PAK5: variants seen among roughly 807,000 people sequenced by gnomAD.
PAK5 encodes p21 (RAC1) activated kinase 5.
Under a neutral mutation model 65.9 loss-of-function variants are expected in PAK5, and 16 were observed. That is an observed-to-expected ratio of 0.24 (90% CI 0.16 to 0.37). The LOEUF (loss-of-function observed/expected upper bound fraction) is 0.37. Among genes scored for constraint, PAK5 ranks in the 10% least tolerant of loss-of-function variants. The pLI, the probability that PAK5 is intolerant of heterozygous loss-of-function variation, is 1.00. For synonymous variants in PAK5, 371 were observed against 354.9 expected (o/e 1.05, Z -0.51); for missense variants, 785 against 903.9 (o/e 0.87, Z 1.69).
chr20:9,671,156 AT>A (rs1412422663), intron 2 of PAK5, among the ~76,000 whole-genome samples: 2 of 152,208 alleles, frequency 1.3e-5, no homozygotes, highest in African/African-American at 4.8e-5. Context: ...TACCAGTAGC[AT>A]GCTGTTTGGG....
Position 9,538,872 on chromosome 20 carries a change from A to G in PAK5, c.*590T>C, listed in dbSNP as rs2045211734. 1 of 233,188 alleles carries G rather than the reference A, an allele frequency of 4.3e-6. No homozygotes were observed. Among genetic ancestry groups the G allele is most frequent in the Admixed American group, 5.6e-5 (1 of 17,782 alleles). 14.4% of individuals were successfully genotyped at this position (233,188 alleles called of 1,614,324 possible). A position where few individuals can be genotyped will look rare whatever the true frequency, so the allele number is the denominator to read the frequency against. ...GAGTCATTCAGTATTCAAAGTTCCT[A>G]AAGAATCATTGGTTCTCTTAAAGGG... On this transcript the variant is annotated 3_prime_UTR_variant, in exon 10 of 10. Coordinates refer to ENST00000353224, the MANE Select transcript of PAK5 (RefSeq NM_177990.4).
intron 7 of PAK5, among the ~76,000 whole-genome samples, chr20:9,554,377 G>A (rs1047218979): frequency 6.6e-6 from 1 of 152,196 alleles, no homozygotes; most frequent in Non-Finnish European, 1.5e-5. Flanking sequence ...GGAAGCTCAA[G>A]CCACATGGGG....
chr20:9,540,971 C>T (rs1047119169), intron 9 of PAK5, among the ~76,000 whole-genome samples: 4 of 152,146 alleles, frequency 2.6e-5, no homozygotes, highest in Admixed American at 6.5e-5. Flanking sequence ...CTCCTGACCT[C>T]GTGATCCGCC....
intron 3 of PAK5, among the ~76,000 whole-genome samples, chr20:9,637,549 T>C (rs1477191797): frequency 6.6e-6 from 1 of 152,112 alleles, no homozygotes; most frequent in Non-Finnish European, 1.5e-5. Context: ...CAGATGTCCA[T>C]GACAATATTA....
chr20:9,650,399 G>T (rs1195690874), intron 2 of PAK5, among the ~76,000 whole-genome samples: 1 of 152,106 alleles, frequency 6.6e-6, no homozygotes, highest in Non-Finnish European at 1.5e-5. Context: ...GTTTCTAGGG[G>T]GATTTGACCA....
chr20:9,804,317 T>C (rs1382758699), intron 1 of PAK5, among the ~76,000 whole-genome samples: 2 of 152,188 alleles, frequency 1.3e-5, no homozygotes, highest in African/African-American at 4.8e-5. Context: ...GCCATGTAGA[T>C]GCATCAAGCA....
chr20:9,557,666 T>A lies in PAK5; in HGVS notation c.1685A>T (p.Gln562Leu), dbSNP rs1166015532. 1 of 1,611,588 alleles carries A rather than the reference T, an allele frequency of 6.2e-7. No homozygotes were observed. The highest frequency in any genetic ancestry group is 8.5e-7 in the Non-Finnish European group (1 of 1,177,908). ...VLRALSYLHN[Q>L]GVIHRDIKSD... is the part of the protein sequence containing the mutation. ...TTTTATGTCCCTGTGAATCACTCCT[T>A]GGTTATGAAGGTAGGAGAGAGCTCT... The change falls in exon 7 of 10, where the codon CAA (glutamine) becomes CTA (leucine). Residue 562 changes from glutamine (Q) to leucine (L), a missense_variant. Around this residue, in one of 4 missense-constraint regions of PAK5, gnomAD observed 182 missense variants for 273.0 expected, o/e 0.67. Coordinates refer to ENST00000353224, the MANE Select transcript of PAK5 (RefSeq NM_177990.4).
chr20:9,658,697 G>A (rs2047303412), intron 2 of PAK5, among the ~76,000 whole-genome samples: 1 of 152,114 alleles, frequency 6.6e-6, no homozygotes, highest in Non-Finnish European at 1.5e-5. Flanking sequence ...TGGAAAAAGG[G>A]TAAACAAACC....
intron 2 of PAK5, among the ~76,000 whole-genome samples, chr20:9,652,979 A>G (rs66518942): frequency 0.18 from 27,991 of 152,102 alleles, 2,971 homozygotes; most frequent in East Asian, 0.4. Context: ...TGGATTTAGC[A>G]TATACATCCA....
At chr20:9,796,392 G>T (rs1189432413) in intron 1 of PAK5, among the ~76,000 whole-genome samples, 2 of 151,976 alleles carry the variant, frequency 1.3e-5, no homozygotes, top group Non-Finnish European at 2.9e-5. Context: ...AAAGCAAAGG[G>T]AACAACAGAC....
chr20:9,579,956 GA>G (rs2045948169), intron 4 of PAK5, among the ~76,000 whole-genome samples, 188 bp downstream of exon 4: 1 of 152,196 alleles, frequency 6.6e-6, no homozygotes, highest in Admixed American at 6.5e-5. Context: ...TTATTTTAAT[GA>G]ATATATATGC....
chr20:9,758,364 A>G (rs971311242), intron 1 of PAK5, among the ~76,000 whole-genome samples: 2 of 152,200 alleles, frequency 1.3e-5, no homozygotes, highest in Non-Finnish European at 2.9e-5. Flanking sequence ...GGCATCGAAC[A>G]CATGAATGTT....
At chr20:9,689,556 T>G (rs1338407713) in intron 2 of PAK5, among the ~76,000 whole-genome samples, 1 of 152,196 alleles carries the variant, frequency 6.6e-6, no homozygotes, top group Middle Eastern at 3.2e-3. Context: ...CTGGCCTTCA[T>G]GCTTCAAGTG....
intron 3 of PAK5, among the ~76,000 whole-genome samples, chr20:9,611,991 A>G (rs1432745989): frequency 1.3e-5 from 2 of 152,116 alleles, no homozygotes; most frequent in Non-Finnish European, 2.9e-5. Flanking sequence ...TCTTCTAGGG[A>G]GCCGTCCTGA....
intron 1 of PAK5, among the ~76,000 whole-genome samples, chr20:9,797,533 C>T (rs6039588): frequency 0.75 from 111,333 of 148,734 alleles, 41,980 homozygotes; most frequent in African/African-American, 0.83. Flanking sequence ...CATTAGGAGA[C>T]ATACCTAATG....
intron 1 of PAK5, among the ~76,000 whole-genome samples, chr20:9,744,050 C>T (rs1425204966): frequency 2.0e-5 from 3 of 152,118 alleles, no homozygotes; most frequent in Non-Finnish European, 2.9e-5. Context: ...CAGGATGTGG[C>T]CACAAGCCAA....
At chr20:9,553,425 A>C (rs1463885666) in intron 7 of PAK5, among the ~76,000 whole-genome samples, 2 of 152,138 alleles carry the variant, frequency 1.3e-5, no homozygotes, top group Non-Finnish European at 2.9e-5. Flanking sequence ...AACCACCACC[A>C]AAATCAAGAT....
intron 3 of PAK5, among the ~76,000 whole-genome samples, chr20:9,639,935 G>A (rs2047029721): frequency 2.0e-5 from 3 of 152,346 alleles, no homozygotes; most frequent in East Asian, 1.9e-4. Flanking sequence ...TCTCAAACAG[G>A]ACCTGCTAGG....
chr20:9,636,726 A>G (rs186523712), intron 3 of PAK5, among the ~76,000 whole-genome samples: 2 of 152,332 alleles, frequency 1.3e-5, no homozygotes, highest in Non-Finnish European at 2.9e-5. Flanking sequence ...GGAATATTGT[A>G]TTCAATAATC....
Sources: gnomAD v4.1 joint callset for allele counts (sites outside exome capture counted in the v4.1 genomes callset) on GRCh38, gnomAD v4.1.1 for gene constraint, gnomAD v4.1.1 regional missense constraint, MANE v1.5 for transcripts, NCBI Gene and HGNC (gene_info 2026-07-23, HGNC 2026-07-21) for gene names.